Variants in ABCG2 observed in about 807,000 individuals in gnomAD.
The protein encoded by ABCG2 is broad substrate specificity ATP-binding cassette transporter ABCG2.
Under a neutral mutation model 73.5 loss-of-function variants are expected in ABCG2, and 80 were observed. That is an observed-to-expected ratio of 1.09 (90% CI 0.91 to 1.31). The LOEUF (loss-of-function observed/expected upper bound fraction) is 1.31. Ranked by LOEUF, ABCG2 falls within the 50% of genes most tolerant of loss-of-function variation. ABCG2 has a pLI of 0.00. For synonymous variants in ABCG2, 269 were observed against 282.4 expected, an observed-to-expected ratio of 0.95 and a Z score of 0.48; for missense variants, 796 against 786.2, an observed-to-expected ratio of 1.01 and a Z score of -0.15.
At chr4:88,132,791 G>A (rs1033190676) in intron 2 of ABCG2, among the ~76,000 whole-genome samples, 156 bp from the exon 3 acceptor site, 2 of 152,048 alleles carry the variant, frequency 1.3e-5, no homozygotes, top group African/African-American at 4.8e-5. Flanking sequence ...AACAAAACAG[G>A]TCATGCATGG....
upstream of ABCG2, among the ~76,000 whole-genome samples, chr4:88,160,709 C>T (rs979268400): frequency 4.0e-5 from 6 of 151,752 alleles, no homozygotes; most frequent in Admixed American, 3.9e-4. Context: ...ATTAGCCGGG[C>T]ATGGTGGCTC....
chr4:88,133,599 GA>G (rs1725047409), intron 2 of ABCG2, among the ~76,000 whole-genome samples: 1 of 152,152 alleles, frequency 6.6e-6, no homozygotes, highest in Non-Finnish European at 1.5e-5. Flanking sequence ...AAGGAAGGTG[GA>G]AAAAATTATG....
intron 5 of ABCG2, among the ~76,000 whole-genome samples, chr4:88,129,639 A>G (rs541044133): frequency 2.0e-5 from 3 of 152,354 alleles, no homozygotes; most frequent in African/African-American, 7.2e-5. Context: ...AACAAAATAC[A>G]GTAAAACACC....
intron 10 of ABCG2, 59 bp from the exon 11 acceptor site, chr4:88,101,378 T>C (rs992726385): frequency 1.4e-6 from 2 of 1,444,702 alleles, no homozygotes; most frequent in East Asian, 4.6e-5. Context: ...AGACAGATTT[T>C]CTACCCACAA....
chr4:88,139,790 T>G lies in ABCG2; in HGVS notation c.203+3A>C, dbSNP rs777654253. 2 of 1,612,580 alleles carry G rather than the reference T, an allele frequency of 1.2e-6. No homozygotes were observed. The highest frequency in any genetic ancestry group is 4.5e-5 in the East Asian group (2 of 44,868). ...CTGTCTTTTTACAAGTTCATGTACA[T>G]ACTTGATATTCGATAATATTTCTTT... On this transcript the variant is annotated splice_donor_region_variant and intron_variant, in intron 2 of 15. Coordinates refer to ENST00000237612, the MANE Select transcript of ABCG2 (RefSeq NM_004827.3).
chr4:88,140,271 A>G (rs577077563), intron 1 of ABCG2, among the ~76,000 whole-genome samples: 1 of 152,320 alleles, frequency 6.6e-6, no homozygotes, highest in Non-Finnish European at 1.5e-5. Context: ...ATAAGTAAAT[A>G]GGAAGAGTAT....
chr4:88,203,052 C>A (rs1021563667), intron 1 of ABCG2, among the ~76,000 whole-genome samples: 12 of 151,754 alleles, frequency 7.9e-5, no homozygotes, highest in Non-Finnish European at 1.8e-4. Flanking sequence ...GTTTTATTAG[C>A]CTGCTATTAT....
Position 88,143,853 on chromosome 4 carries a change from A to T in ABCG2, c.-19-3839T>A, listed in dbSNP as rs570602869. On this transcript the variant is annotated intron_variant, in intron 1 of 15. Transcript: ENST00000237612. Reference sequence around the variant, plus strand: ...AATATGGAGCAATACACTTACTCTAAGAAAAAAAACATAGTAAGGATTAAA... The same window carrying T: ...AATATGGAGCAATACACTTACTCTATGAAAAAAAACATAGTAAGGATTAAA... Among the ~76,000 whole-genome samples, 3 of 152,332 alleles carry T rather than the reference A, an allele frequency of 2.0e-5. No individual in the cohort carries two copies. In the South Asian group the frequency reaches 6.2e-4, roughly 32 times the overall value.
intron 1 of ABCG2, among the ~76,000 whole-genome samples, chr4:88,207,817 T>C (rs578189036): frequency 2.6e-5 from 4 of 152,304 alleles, no homozygotes; most frequent in South Asian, 2.1e-4. Context: ...AGTGCTGGAA[T>C]TACAGGCATA....
rs558268811 is a variant in ABCG2 at position 88,122,553 on chromosome 4, C to T, written c.532-761G>A. On this transcript the variant is annotated intron_variant, in intron 5 of 15. Coordinates refer to ENST00000237612, the MANE Select transcript of ABCG2 (RefSeq NM_004827.3). ...GTGTAAACAAAGCCTCTGGGAAATT[C>T]GAACTGGGTAGAGCCGACCACAGCT... 5.9e-5 allele frequency among the ~76,000 whole-genome samples: 9 copies of T among 152,276 alleles called. No homozygotes were observed. In the South Asian group the frequency reaches 1.5e-3, roughly 25 times the overall value.
chr4:88,143,836 G>T (rs1474152798), intron 1 of ABCG2, among the ~76,000 whole-genome samples: 1 of 152,000 alleles, frequency 6.6e-6, no homozygotes, highest in Non-Finnish European at 1.5e-5. Flanking sequence ...CCAATATGGA[G>T]CAATACACTT....
At chr4:88,186,782 A>G (rs1036004541) in intron 1 of ABCG2, among the ~76,000 whole-genome samples, 5 of 149,988 alleles carry the variant, frequency 3.3e-5, no homozygotes, top group African/African-American at 4.9e-5. Flanking sequence ...AGCCGGGCGT[A>G]GTGGCGGGCG....
intron 1 of ABCG2, among the ~76,000 whole-genome samples, chr4:88,209,127 T>C (rs924368724): frequency 1.3e-5 from 2 of 151,672 alleles, no homozygotes; most frequent in Non-Finnish European, 2.9e-5. Flanking sequence ...CTGGCCAACA[T>C]GGCGAAACCC....
chr4:88,222,941 G>A (rs1180495112), intron 1 of ABCG2, among the ~76,000 whole-genome samples: 2 of 152,320 alleles, frequency 1.3e-5, no homozygotes, highest in Non-Finnish European at 2.9e-5. Flanking sequence ...AGGGTGACTT[G>A]GATATGAGAC....
intron 1 of ABCG2, among the ~76,000 whole-genome samples, chr4:88,221,736 G>A (rs924651421): frequency 5.9e-5 from 9 of 152,308 alleles, no homozygotes; most frequent in African/African-American, 2.2e-4. Context: ...TTGAACTTGA[G>A]AGGGATGATT....
At chr4:88,231,273 T>C (rs971416034) in exon 1 of ABCG2, 2 of 152,156 alleles carry the variant, frequency 1.3e-5, no homozygotes, top group Non-Finnish European at 2.9e-5. Context: ...CTCGAGGAAA[T>C]GTCCCGAGTG....
At chr4:88,117,844 T>C (rs1316937000) in intron 7 of ABCG2, among the ~76,000 whole-genome samples, 1 of 152,166 alleles carries the variant, frequency 6.6e-6, no homozygotes, top group Non-Finnish European at 1.5e-5. Context: ...AAATGGTCAC[T>C]GTAACTAGGA....
chr4:88,162,311 A>T (rs1727351838), upstream of ABCG2, among the ~76,000 whole-genome samples: 1 of 152,158 alleles, frequency 6.6e-6, no homozygotes, highest in African/African-American at 2.4e-5. Flanking sequence ...TTAGAAAATT[A>T]TAAATTTTAT....
chr4:88,227,091 C>A (rs1469890338), intron 1 of ABCG2, among the ~76,000 whole-genome samples: 1 of 152,004 alleles, frequency 6.6e-6, no homozygotes, highest in Non-Finnish European at 1.5e-5. Context: ...TACAGCAATA[C>A]CCTGTCTAAA....
Sources: gnomAD v4.1 joint callset for allele counts (sites outside exome capture counted in the v4.1 genomes callset) on GRCh38, gnomAD v4.1.1 for gene constraint, MANE v1.5 for transcripts, NCBI Gene and HGNC (gene_info 2026-07-23, HGNC 2026-07-21) for gene names.